ELAPOR2: variants seen among roughly 807,000 people sequenced by gnomAD.
ELAPOR2 encodes endosome-lysosome associated apoptosis and autophagy regulator family member 2, also known as endosome/lysosome-associated apoptosis and autophagy regulator family member 2.
Under a neutral mutation model 120.7 loss-of-function variants are expected in ELAPOR2, and 89 were observed. The observed-to-expected ratio is 0.74, with a 90% CI of 0.62 to 0.88. The LOEUF (loss-of-function observed/expected upper bound fraction) is 0.88. ELAPOR2 is among the 40% of genes least tolerant of loss of function. The pLI is 0.00. For missense variants in ELAPOR2, 1,134 were observed against 1,251.6 expected (o/e 0.91, Z 1.42); for synonymous variants, 444 against 444.9 (o/e 1.00, Z 0.03).
intron 1 of ELAPOR2, among the ~76,000 whole-genome samples, chr7:87,043,340 A>T (rs1245656366): frequency 6.6e-6 from 1 of 151,170 alleles, no homozygotes; most frequent in Non-Finnish European, 1.5e-5. Context: ...ATCCTTGATG[A>T]ACATTGATGC....
At chr7:86,969,882 G>T (rs1359655496) in intron 1 of ELAPOR2, among the ~76,000 whole-genome samples, 1 of 152,166 alleles carries the variant, frequency 6.6e-6, no homozygotes, top group East Asian at 1.9e-4. Context: ...GTGAGAAAAG[G>T]CTTTAAGGAG....
intron 1 of ELAPOR2, among the ~76,000 whole-genome samples, chr7:87,015,326 A>G (rs1793832388): frequency 6.6e-6 from 1 of 152,246 alleles, no homozygotes; most frequent in African/African-American, 2.4e-5. Flanking sequence ...ATTGGACACA[A>G]AAATAAGTTA....
At chr7:86,903,000 T>C (rs1788791904) in intron 18 of ELAPOR2, among the ~76,000 whole-genome samples, 1 of 152,186 alleles carries the variant, frequency 6.6e-6, no homozygotes, top group Non-Finnish European at 1.5e-5. Flanking sequence ...CAAAATTCTA[T>C]CATTCTCCTG....
chr7:86,883,612 C>A (rs549791120), intron 21 of ELAPOR2, among the ~76,000 whole-genome samples: 1 of 152,232 alleles, frequency 6.6e-6, no homozygotes, highest in African/African-American at 2.4e-5. Flanking sequence ...TCAAAAATAT[C>A]TTTCTGAGTA....
At chr7:86,903,693 G>A (rs1404854062) in intron 18 of ELAPOR2, among the ~76,000 whole-genome samples, 2 of 152,148 alleles carry the variant, frequency 1.3e-5, no homozygotes, top group South Asian at 2.1e-4. Context: ...TTCCTTTTGT[G>A]AGATTCAATA....
At chr7:86,887,142 T>C (rs1373228446) in intron 21 of ELAPOR2, among the ~76,000 whole-genome samples, 1 of 152,194 alleles carries the variant, frequency 6.6e-6, no homozygotes, top group Non-Finnish European at 1.5e-5. Context: ...CTAAAATAGA[T>C]CTTAGTTTTG....
chr7:86,928,655 A>G (rs1790187585), intron 8 of ELAPOR2, among the ~76,000 whole-genome samples: 1 of 151,988 alleles, frequency 6.6e-6, no homozygotes. Flanking sequence ...TGGTAAAGTA[A>G]CACCAGTCAA....
intron 1 of ELAPOR2, among the ~76,000 whole-genome samples, chr7:87,026,806 C>T (rs1052756099): frequency 6.6e-6 from 1 of 151,982 alleles, no homozygotes; most frequent in Non-Finnish European, 1.5e-5. Context: ...CTGTATTTTA[C>T]AGTCTCCAAA....
intron 18 of ELAPOR2, among the ~76,000 whole-genome samples, chr7:86,906,006 A>G (rs1403191529): frequency 2.6e-5 from 4 of 152,112 alleles, no homozygotes; most frequent in Non-Finnish European, 5.9e-5. Context: ...AGTTAGAGTG[A>G]TGTGTTTCCT....
chr7:87,025,639 A>C (rs1794218126), intron 1 of ELAPOR2, among the ~76,000 whole-genome samples: 1 of 152,140 alleles, frequency 6.6e-6, no homozygotes, highest in African/African-American at 2.4e-5. Context: ...AAAGTGATTA[A>C]AAATTTTTCT....
intron 18 of ELAPOR2, among the ~76,000 whole-genome samples, chr7:86,902,583 G>A (rs1405747405): frequency 6.6e-6 from 1 of 152,118 alleles, no homozygotes; most frequent in African/African-American, 2.4e-5. Flanking sequence ...CAGTATTAAT[G>A]GTATTTCAGC....
intron 1 of ELAPOR2, among the ~76,000 whole-genome samples, chr7:86,989,053 T>C (rs1792853639): frequency 6.6e-6 from 1 of 152,156 alleles, no homozygotes. Flanking sequence ...TAAATAAAAA[T>C]TGCAAAGATC....
intron 1 of ELAPOR2, among the ~76,000 whole-genome samples, chr7:86,986,786 G>C (rs1047358809): frequency 6.6e-6 from 1 of 151,310 alleles, no homozygotes; most frequent in African/African-American, 2.4e-5. Context: ...GTAATTTATA[G>C]ATTCAATGCC....
intron 18 of ELAPOR2, among the ~76,000 whole-genome samples, chr7:86,901,329 G>A (rs1277587027): frequency 6.6e-6 from 1 of 152,154 alleles, no homozygotes; most frequent in Admixed American, 6.5e-5. Flanking sequence ...CCTTTTTTAG[G>A]AAGTTAGGTC....
intron 8 of ELAPOR2, among the ~76,000 whole-genome samples, chr7:86,931,643 A>G (rs1790332209): frequency 6.6e-6 from 1 of 151,772 alleles, no homozygotes; most frequent in Non-Finnish European, 1.5e-5. Flanking sequence ...ACTACCTTCT[A>G]TGTGCTAGGT....
At chr7:87,012,805 C>T (rs533668255) in intron 1 of ELAPOR2, among the ~76,000 whole-genome samples, 35 of 152,278 alleles carry the variant, frequency 2.3e-4, no homozygotes, top group Admixed American at 2.0e-3. Context: ...CAGAAGGTAG[C>T]TTTAAATCTG....
intron 1 of ELAPOR2, among the ~76,000 whole-genome samples, chr7:87,024,003 A>G (rs182149440): frequency 1.2e-4 from 19 of 152,270 alleles, no homozygotes; most frequent in Middle Eastern, 3.4e-3. Context: ...CAATCATGTC[A>G]TCCGCAAACA....
intron 2 of ELAPOR2, among the ~76,000 whole-genome samples, chr7:86,962,416 AC>A (rs1270620659): frequency 2.6e-5 from 4 of 152,178 alleles, no homozygotes; most frequent in Non-Finnish European, 4.4e-5. Context: ...AATATTCGTC[AC>A]TTACTTGAAG....
intron 19 of ELAPOR2, among the ~76,000 whole-genome samples, chr7:86,895,480 G>C (rs1167182443): frequency 6.6e-6 from 1 of 151,964 alleles, no homozygotes; most frequent in East Asian, 1.9e-4. Flanking sequence ...ACTACTTCCA[G>C]TATTTCTCAA....
Sources: gnomAD v4.1 joint callset for allele counts (sites outside exome capture counted in the v4.1 genomes callset) on GRCh38, gnomAD v4.1.1 for gene constraint, MANE v1.5 for transcripts, NCBI Gene and HGNC (gene_info 2026-07-23, HGNC 2026-07-21) for gene names.